ST3GAL3: variants seen among roughly 807,000 people sequenced by gnomAD.
ST3GAL3 encodes the protein CMP-N-acetylneuraminate-beta-1,4-galactoside alpha-2,3-sialyltransferase.
Under a neutral mutation model 50.1 loss-of-function variants are expected in ST3GAL3, and 21 were observed. The observed-to-expected ratio is 0.42, with a 90% CI of 0.30 to 0.60. The LOEUF (loss-of-function observed/expected upper bound fraction) is 0.60, where lower values mean the gene tolerates loss of function less well. ST3GAL3 is among the 20% of genes least tolerant of loss of function. The probability of loss-of-function intolerance (pLI) is 0.19; values close to 1 mark genes in which losing one functional copy is unlikely to be tolerated. For synonymous variants in ST3GAL3, 183 were observed against 190.0 expected (o/e 0.96, Z 0.30); for missense variants, 353 against 489.4 (o/e 0.72, Z 2.63).
intron 2 of ST3GAL3, among the ~76,000 whole-genome samples, chr1:43,766,565 A>G (rs957627607): frequency 6.6e-6 from 1 of 152,128 alleles, no homozygotes; most frequent in Non-Finnish European, 1.5e-5. Context: ...TGTAAGCTTC[A>G]GTGAGAGCTG....
intron 4 of ST3GAL3, among the ~76,000 whole-genome samples, chr1:43,815,480 T>C (rs1400807037): frequency 6.6e-6 from 1 of 152,220 alleles, no homozygotes; most frequent in Non-Finnish European, 1.5e-5. Context: ...CACACAAAGT[T>C]GTCTCTTCCT....
intron 2 of ST3GAL3, among the ~76,000 whole-genome samples, chr1:43,782,878 G>C (rs922275833): frequency 1.3e-5 from 2 of 152,128 alleles, no homozygotes; most frequent in African/African-American, 4.8e-5. Context: ...GAAATGGTAT[G>C]AATGTATTTA....
chr1:43,871,105 T>C (rs1476145281), intron 5 of ST3GAL3, among the ~76,000 whole-genome samples: 2 of 152,174 alleles, frequency 1.3e-5, no homozygotes, highest in African/African-American at 4.8e-5. Flanking sequence ...GTGACAGGAC[T>C]CAGGCCATTC....
chr1:43,743,130 A>T (rs940203710), intron 2 of ST3GAL3, among the ~76,000 whole-genome samples: 1 of 151,428 alleles, frequency 6.6e-6, no homozygotes, highest in Non-Finnish European at 1.5e-5. Flanking sequence ...AAAAAATAAC[A>T]TTTTATTTTT....
At chr1:43,719,584 G>A (rs1669291117) in intron 1 of ST3GAL3, among the ~76,000 whole-genome samples, 2 of 151,652 alleles carry the variant, frequency 1.3e-5, no homozygotes, top group African/African-American at 4.9e-5. Flanking sequence ...AGAATTGCTT[G>A]AACCTGGGAG....
In ST3GAL3 at chr1:43,894,248, C is replaced by T. The variant is rs1450161280; in HGVS notation, c.303-135C>T. ...CCTCGACAGCTACCCAGTGAACAGG[C>T]TGGGTGGAGGGGGGTATGCCGGAAT... On this transcript the variant is annotated intron_variant, in intron 5 of 11. Transcript: ENST00000347631. 4.7e-6 allele frequency: 4 copies of T among 845,764 alleles called. No homozygotes were observed. The African/African-American group carries it at 6.6e-5, about 14-fold the overall frequency. The allele number at this position is 845,764 out of a possible 1,614,324, so 52.4% of individuals were successfully genotyped here.
intron 11 of ST3GAL3, among the ~76,000 whole-genome samples, chr1:43,926,301 GCTT>G (rs1243972773): frequency 6.6e-6 from 1 of 152,172 alleles, no homozygotes; most frequent in African/African-American, 2.4e-5. Context: ...AAGAAAAAGA[GCTT>G]CTGGCCGGGC....
intron 3 of ST3GAL3, among the ~76,000 whole-genome samples, chr1:43,794,146 A>C (rs1225746047): frequency 6.6e-6 from 1 of 152,144 alleles, no homozygotes; most frequent in African/African-American, 2.4e-5. Flanking sequence ...CAGAGTGAAA[A>C]AAATATCTTT....
chr1:43,715,584 A>AT (rs892512933), intron 1 of ST3GAL3, among the ~76,000 whole-genome samples: 1 of 151,872 alleles, frequency 6.6e-6, no homozygotes, highest in Non-Finnish European at 1.5e-5. Context: ...TAAAAAAAAA[A>AT]AAAAAGTTCA....
intron 4 of ST3GAL3, chr1:43,824,968 A>G: frequency 1.4e-6 from 1 of 714,256 alleles, no homozygotes; most frequent in Non-Finnish European, 2.6e-6. Context: ...GGAAGTCTCC[A>G]CTTCCCCAGG....
At chr1:43,898,986 G>A in intron 7 of ST3GAL3, 182 bp from the exon 8 acceptor site, 2 of 726,882 alleles carry the variant, frequency 2.8e-6, no homozygotes, top group South Asian at 3.6e-5. Context: ...AGAGTCTCAG[G>A]GCCCAGCTAC....
chr1:43,886,138 T>C (rs945976036), intron 5 of ST3GAL3, among the ~76,000 whole-genome samples: 10 of 152,246 alleles, frequency 6.6e-5, no homozygotes, highest in Admixed American at 3.3e-4. Flanking sequence ...CCCAACACTT[T>C]GGGAGGCCGA....
intron 11 of ST3GAL3, among the ~76,000 whole-genome samples, chr1:43,925,316 G>T (rs908576299): frequency 6.4e-5 from 4 of 62,494 alleles, no homozygotes; most frequent in South Asian, 7.1e-4. Flanking sequence ...AAAAAAGAGT[G>T]TAGCTTCTCA....
At chr1:43,889,770 T>C (rs1311461329) in intron 5 of ST3GAL3, among the ~76,000 whole-genome samples, 2 of 152,166 alleles carry the variant, frequency 1.3e-5, no homozygotes, top group African/African-American at 4.8e-5. Context: ...TCAAATATAG[T>C]AGGTAAACAA....
chr1:43,921,709 T>TC lies in ST3GAL3; in HGVS notation c.1038+786dup, dbSNP rs528748238. ...TCTTCTTATCTATCCTTCTCCATCA[T>TC]CCCCCTCCACTATTCCAGAGCCTTC... On this transcript the variant is annotated intron_variant, in intron 11 of 11. Coordinates refer to ENST00000347631, the MANE Select transcript of ST3GAL3 (RefSeq NM_006279.5). 1.7e-3 allele frequency: 663 copies of TC among 398,536 alleles called. 7 individuals carry two copies. Among genetic ancestry groups the TC allele is most frequent in the African/African-American group, 0.013 (609 of 48,692 alleles). 24.7% of individuals were successfully genotyped at this position (398,536 alleles called of 1,614,324 possible). A position where few individuals can be genotyped will look rare whatever the true frequency, so the allele number is the denominator to read the frequency against.
At chr1:43,874,477 GT>G (rs34754704) in intron 5 of ST3GAL3, among the ~76,000 whole-genome samples, 87,179 of 152,054 alleles carry the variant, frequency 0.57, 28,954 homozygotes, top group Non-Finnish European at 0.75. Context: ...CTGTATGAAT[GT>G]TTTTCATAAT....
intron 5 of ST3GAL3, among the ~76,000 whole-genome samples, chr1:43,865,908 T>C (rs2071218892): frequency 6.6e-6 from 1 of 152,216 alleles, no homozygotes; most frequent in African/African-American, 2.4e-5. Context: ...CACGGATTGG[T>C]GCCGTAAGTG....
At position 43,787,761 on chromosome 1, in the gene ST3GAL3, G is replaced by A. The variant is rs192863289; in HGVS notation, c.119-4341G>A. ...GGTCTGTCTTCCTTGGCTTGAAGGC[G>A]AAGGCTATCTCTAATTTGGCTCCAT... On this transcript the variant is annotated intron_variant, in intron 2 of 11. Transcript: ENST00000347631. Among the ~76,000 whole-genome samples the A allele has an allele frequency of 5.8e-4, 88 of 152,234 alleles. 2 individuals carry two copies. The highest frequency in any genetic ancestry group is 2.0e-3 in the African/African-American group (82 of 41,526).
intron 4 of ST3GAL3, among the ~76,000 whole-genome samples, chr1:43,817,992 C>T (rs1249535461): frequency 6.6e-6 from 1 of 152,034 alleles, no homozygotes; most frequent in African/African-American, 2.4e-5. Context: ...GCCTCAGCCT[C>T]CTAAAGTGTT....
Sources: gnomAD v4.1 joint callset for allele counts (sites outside exome capture counted in the v4.1 genomes callset) on GRCh38, gnomAD v4.1.1 for gene constraint, MANE v1.5 for transcripts, NCBI Gene and HGNC (gene_info 2026-07-23, HGNC 2026-07-21) for gene names.